KANSL1: variants seen among roughly 807,000 people sequenced by gnomAD.
KANSL1 encodes MLL1/MLL complex subunit KANSL1.
Under a neutral mutation model 103.6 loss-of-function variants are expected in KANSL1, and 22 were observed. That is an observed-to-expected ratio of 0.21 (90% CI 0.15 to 0.30). The LOEUF (loss-of-function observed/expected upper bound fraction) is 0.30, where lower values mean the gene tolerates loss of function less well. Among genes scored for constraint, KANSL1 ranks in the 10% least tolerant of loss-of-function variants. The pLI is 1.00. For synonymous variants in KANSL1, 600 were observed against 527.6 expected (o/e 1.14, Z -1.88); for missense variants, 1,337 against 1,399.8 (o/e 0.96, Z 0.72).
At chr17:46,126,361 G>C (rs1050852554) in intron 2 of KANSL1, among the ~76,000 whole-genome samples, 1 of 152,050 alleles carries the variant, frequency 6.6e-6, no homozygotes, top group African/African-American at 2.4e-5. Flanking sequence ...AGAATCACTC[G>C]AACCCAGGAG....
intron 2 of KANSL1, among the ~76,000 whole-genome samples, chr17:46,105,674 G>C (rs1322268892): frequency 6.6e-6 from 1 of 151,972 alleles, no homozygotes. Context: ...TTCGAGACCA[G>C]CCTGGGCAAC....
At chr17:46,145,513 C>A (rs374283083) in intron 2 of KANSL1, among the ~76,000 whole-genome samples, 1 of 152,206 alleles carries the variant, frequency 6.6e-6, no homozygotes, top group Admixed American at 6.5e-5. Flanking sequence ...TTGTGCTAAA[C>A]TGAAACACAG....
chr17:46,146,703 G>GGC (rs1197177513), intron 2 of KANSL1, among the ~76,000 whole-genome samples: 1 of 143,596 alleles, frequency 7.0e-6, no homozygotes, highest in African/African-American at 2.5e-5. Context: ...CGTAGTGGCG[G>GGC]GCGCCTGTAG....
In KANSL1 at chr17:46,030,499, C is replaced by G. The variant is rs1306982817; in HGVS notation, c.*977G>C. On this transcript the variant is annotated 3_prime_UTR_variant, in exon 15 of 15. Transcript: ENST00000432791. ...ACCACAGCTAGGACCAGACAATGTT[C>G]CACAGGCAAGGGGAGCGTGAAAGAC... is the stretch of plus-strand genomic sequence containing the variant. 3 of 151,580 alleles carry G rather than the reference C, an allele frequency of 2.0e-5. No homozygotes were observed. Among genetic ancestry groups the G allele is most frequent in the African/African-American group, 7.3e-5 (3 of 41,194 alleles). The allele number at this position is 151,580 out of a possible 1,614,324, so 9.4% of individuals were successfully genotyped here. A position where few individuals can be genotyped will look rare whatever the true frequency, so the allele number is the denominator to read the frequency against.
At chr17:46,122,845 C>T (rs1018225224) in intron 2 of KANSL1, among the ~76,000 whole-genome samples, 9 of 152,216 alleles carry the variant, frequency 5.9e-5, no homozygotes, top group African/African-American at 1.7e-4. Flanking sequence ...AGATGGAAAA[C>T]TTAACTGATA....
upstream of KANSL1, among the ~76,000 whole-genome samples, chr17:46,197,944 A>C (rs1330742661): frequency 6.6e-6 from 1 of 152,266 alleles, no homozygotes; most frequent in Non-Finnish European, 1.5e-5. Context: ...TAATCTCAAA[A>C]GGACAATGAA....
chr17:46,030,141 G>C lies in KANSL1; in HGVS notation c.*1335C>G, dbSNP rs1470819669. ...ACAAGGTTTTTTTTTTCCATTTTTT[G>C]TTTTTGTTTTTTTTTTCAATGCTAA... On this transcript the variant is annotated 3_prime_UTR_variant, in exon 15 of 15. Transcript: ENST00000432791. 1.4e-5 allele frequency: 2 copies of C among 142,496 alleles called. No homozygotes were observed. Among genetic ancestry groups the C allele is most frequent in the African/African-American group, 5.1e-5 (2 of 39,582 alleles). 8.8% of individuals were successfully genotyped at this position (142,496 alleles called of 1,614,324 possible).
intron 1 of KANSL1, among the ~76,000 whole-genome samples, chr17:46,214,452 G>A (rs1175932442): frequency 1.3e-5 from 2 of 152,182 alleles, no homozygotes; most frequent in Non-Finnish European, 2.9e-5. Flanking sequence ...TCAGGAGTTC[G>A]CAACCAGCCT....
intron 2 of KANSL1, among the ~76,000 whole-genome samples, chr17:46,105,652 C>T (rs1292959975): frequency 5.1e-5 from 7 of 137,780 alleles, no homozygotes; most frequent in Admixed American, 2.3e-4. Flanking sequence ...AATGATCACT[C>T]GAGCTCAGGA....
At chr17:46,056,656 C>T (rs2077942555) in intron 6 of KANSL1, among the ~76,000 whole-genome samples, 1 of 152,166 alleles carries the variant, frequency 6.6e-6, no homozygotes. Context: ...ATTCTAGCTT[C>T]TTAACACTGT....
intron 7 of KANSL1, chr17:46,042,397 G>A (rs1282704895): frequency 6.6e-6 from 1 of 152,160 alleles, no homozygotes; most frequent in Non-Finnish European, 1.5e-5. Flanking sequence ...ACAGTTCCAT[G>A]AGGCAAACAC....
Position 46,085,204 on chromosome 17 carries a change from G to GT in KANSL1, c.1432-2663dup, listed in dbSNP as rs528382343. Among the ~76,000 whole-genome samples the GT allele has an allele frequency of 9.9e-5, 15 of 152,166 alleles. No individual in the cohort carries two copies. In the South Asian group the frequency reaches 2.5e-3, roughly 25 times the overall value. The stretch of plus-strand genomic sequence containing the variant: ...GGTAAGGGTTATTAGTCAGTAGAAG[G>GT]TTAAAAAAAACTGAATTAAAGGTTA... On this transcript the variant is annotated intron_variant, in intron 3 of 14. Transcript: ENST00000432791.
chr17:46,174,857 A>G (rs1313695943), intron 1 of KANSL1, among the ~76,000 whole-genome samples: 2 of 152,166 alleles, frequency 1.3e-5, no homozygotes, highest in Non-Finnish European at 2.9e-5. Flanking sequence ...GAATTTTTGT[A>G]GAGATGGAAT....
chr17:46,104,293 T>C (rs1344656565), intron 2 of KANSL1, among the ~76,000 whole-genome samples: 1 of 152,228 alleles, frequency 6.6e-6, no homozygotes, highest in African/African-American at 2.4e-5. Context: ...TTGTTTGTCA[T>C]ACCCTATGCA....
At chr17:46,107,320 GTTTC>G (rs558218880) in intron 2 of KANSL1, among the ~76,000 whole-genome samples, 125 of 152,266 alleles carry the variant, frequency 8.2e-4, no homozygotes, top group Non-Finnish European at 1.6e-3. Flanking sequence ...TCTTCTCACT[GTTTC>G]TTTAACACAG....
In KANSL1 at chr17:46,031,514, C is replaced by T. The variant is rs2077005463; in HGVS notation, c.3280G>A (p.Val1094Met). Residue 1094 changes from valine (V) to methionine (M), a missense_variant, in exon 15 of 15, where the codon GTG becomes ATG. Transcript: ENST00000432791. ...GGGCGCTGAGCTGTGGCTGCTGCCACCAGATGCCGACTCTTGAGGGGGACA... is the reference window on the plus strand; with the variant it reads ...GGGCGCTGAGCTGTGGCTGCTGCCATCAGATGCCGACTCTTGAGGGGGACA... ...PIVPLKSRHL[V>M]AAATAQRPTH... The T allele has an allele frequency of 6.2e-7, 1 of 1,613,614 alleles. No homozygotes were observed. Among genetic ancestry groups the T allele is most frequent in the East Asian group, 2.2e-5 (1 of 44,878 alleles).
chr17:46,083,760 A>G (rs1174088760), intron 3 of KANSL1, among the ~76,000 whole-genome samples: 1 of 152,078 alleles, frequency 6.6e-6, no homozygotes, highest in African/African-American at 2.4e-5. Flanking sequence ...TAAAGTTGAA[A>G]AACACTAGAC....
intron 6 of KANSL1, among the ~76,000 whole-genome samples, chr17:46,052,242 T>C (rs952547682): frequency 6.6e-6 from 1 of 151,968 alleles, no homozygotes; most frequent in African/African-American, 2.4e-5. Context: ...GTATAGCAAA[T>C]AAAAAATAAA....
chr17:46,142,911 G>C (rs921362917), intron 2 of KANSL1, among the ~76,000 whole-genome samples: 2 of 152,192 alleles, frequency 1.3e-5, no homozygotes, highest in South Asian at 2.1e-4. Flanking sequence ...AATACAAAAA[G>C]CAAAGCCTAT....
Sources: allele counts gnomAD v4.1 joint callset (sites outside exome capture counted in the v4.1 genomes callset), GRCh38; gene constraint gnomAD v4.1.1; transcripts MANE v1.5; gene names NCBI Gene and HGNC (gene_info 2026-07-23, HGNC 2026-07-21).